The following CTNNA2 variants were observed in gnomAD, a reference collection of about 807,000 sequenced individuals.
CTNNA2 encodes the protein catenin alpha 2.
Under a neutral mutation model 101.0 loss-of-function variants are expected in CTNNA2, and 42 were observed. The ratio of observed to expected loss-of-function variants is 0.42; its 90% CI spans 0.32 to 0.54. CTNNA2 has a LOEUF of 0.54. Ranked by LOEUF, CTNNA2 falls within the 20% of genes least tolerant of loss-of-function variation. The pLI is 0.14. For synonymous variants in CTNNA2, 450 were observed against 456.4 expected (o/e 0.99, Z 0.18); for missense variants, 871 against 1,223.1 (o/e 0.71, Z 4.29).
chr2:80,155,060 A>G (rs1210548938), intron 7 of CTNNA2, among the ~76,000 whole-genome samples: 2 of 152,192 alleles, frequency 1.3e-5, no homozygotes, highest in East Asian at 3.9e-4. Context: ...GGTCTCTTTA[A>G]TGTCTAGCTT....
chr2:80,088,253 C>G (rs1041503735), intron 7 of CTNNA2, among the ~76,000 whole-genome samples: 1 of 151,988 alleles, frequency 6.6e-6, no homozygotes, highest in Non-Finnish European at 1.5e-5. Flanking sequence ...GGCTCATTCT[C>G]TGCTATGTGT....
In CTNNA2 at chr2:80,087,097, T is replaced by C. The variant is rs557398472; in HGVS notation, c.1056+177300T>C. Reference sequence around the variant, plus strand: ...GCTATGTCAACCTTCCTTTGACTGATAGTAACAATTGTTAGGCCTGTTATA... The same window carrying C: ...GCTATGTCAACCTTCCTTTGACTGACAGTAACAATTGTTAGGCCTGTTATA... On this transcript the variant is annotated intron_variant, in intron 7 of 18. Transcript: ENST00000402739. Among the ~76,000 whole-genome samples, 16 of 152,122 alleles carry C rather than the reference T, an allele frequency of 1.1e-4. No individual in the cohort carries two copies. The South Asian group carries it at 3.1e-3, about 30-fold the overall frequency.
chr2:79,743,417 A>C (rs942212440), intron 2 of CTNNA2, among the ~76,000 whole-genome samples: 3 of 152,198 alleles, frequency 2.0e-5, no homozygotes, highest in Admixed American at 6.5e-5. Flanking sequence ...ACTTAGAAAA[A>C]GAGTAATAAT....
intron 6 of CTNNA2, among the ~76,000 whole-genome samples, chr2:79,899,181 T>TC (rs1234173792): frequency 6.6e-6 from 1 of 152,108 alleles, no homozygotes; most frequent in Non-Finnish European, 1.5e-5. Flanking sequence ...GACTGTTTTT[T>TC]TTCAGGAAAA....
intron 7 of CTNNA2, among the ~76,000 whole-genome samples, chr2:80,004,985 C>T (rs1179461263): frequency 3.3e-5 from 5 of 152,164 alleles, no homozygotes; most frequent in South Asian, 2.1e-4. Context: ...TGGGAGCCAC[C>T]GTGCCCAAAC....
chr2:79,810,862 A>C (rs1210382576), intron 3 of CTNNA2, among the ~76,000 whole-genome samples: 27 of 151,902 alleles, frequency 1.8e-4, no homozygotes, highest in Non-Finnish European at 1.9e-4. Context: ...TGAACTCATC[A>C]TTTTTTATGG....
At chr2:80,106,530 G>A (rs1296337133) in intron 7 of CTNNA2, among the ~76,000 whole-genome samples, 2 of 152,122 alleles carry the variant, frequency 1.3e-5, no homozygotes, top group African/African-American at 4.8e-5. Flanking sequence ...TGGTGGTGAA[G>A]TAGCACGTTT....
At chr2:79,768,979 T>G (rs1401845342) in intron 3 of CTNNA2, among the ~76,000 whole-genome samples, 1 of 152,090 alleles carries the variant, frequency 6.6e-6, no homozygotes, top group African/African-American at 2.4e-5. Flanking sequence ...CTCAGCCTCC[T>G]GAGTAGCTGG....
intron 3 of CTNNA2, among the ~76,000 whole-genome samples, chr2:79,764,757 G>A (rs1194537341): frequency 6.7e-6 from 1 of 150,280 alleles, no homozygotes; most frequent in Non-Finnish European, 1.5e-5. Flanking sequence ...TCTTAAAATT[G>A]CCTTTTTTTA....
In CTNNA2 at chr2:79,401,557, AG is replaced by A. The variant is rs554222582; in HGVS notation, c.-135+27545del. ...AGTCTAAACCACATTGCTTTAAATT[AG>A]ATGTTAATTATAAACCCTAGGGAAA... On this transcript the variant is annotated intron_variant, in intron 4 of 21. Coordinates refer to the CTNNA2 transcript ENST00000466387. Among the ~76,000 whole-genome samples the A allele has an allele frequency of 1.9e-3, 283 of 151,718 alleles. 2 individuals are homozygous for A. The highest frequency in any genetic ancestry group is 6.5e-3 in the African/African-American group (268 of 41,530).
chr2:79,909,681 G>T lies in CTNNA2; in HGVS notation c.940G>T (p.Ala314Ser). 6.2e-7 allele frequency: 1 copy of T among 1,613,898 alleles called. No individual in the cohort carries two copies. Among genetic ancestry groups the T allele is most frequent in the Non-Finnish European group, 8.5e-7 (1 of 1,179,888 alleles). ...EERLESIISG[A>S]ALMADSSCTR... ...GAGGCTGGAGAGCATCATCAGCGGC[G>T]CAGCGCTGATGGCCGACTCCTCCTG... Residue 314 changes from alanine to serine, a missense_variant, in exon 7 of 19, where the codon GCA (alanine) becomes TCA (serine). Around this residue, in one of 5 missense-constraint regions of CTNNA2, gnomAD observed 647 missense variants for 831.5 expected, o/e 0.78. Coordinates refer to ENST00000402739, the MANE Select transcript of CTNNA2 (RefSeq NM_001282597.3).
chr2:79,765,861 A>C (rs771211714), intron 3 of CTNNA2, among the ~76,000 whole-genome samples: 1 of 152,050 alleles, frequency 6.6e-6, no homozygotes, highest in Non-Finnish European at 1.5e-5. Flanking sequence ...GTACTCCCTC[A>C]CCTTTGCCCT....
chr2:79,810,561 T>C (rs1676935228), intron 3 of CTNNA2, among the ~76,000 whole-genome samples: 1 of 151,530 alleles, frequency 6.6e-6, no homozygotes. Context: ...AGTTTTAGGG[T>C]ACATGTGCAC....
At chr2:80,385,827 T>C (rs12467205) in intron 7 of CTNNA2, among the ~76,000 whole-genome samples, 3,307 of 152,262 alleles carry the variant, frequency 0.022, 46 homozygotes, top group Middle Eastern at 0.034. Flanking sequence ...AGTACCAGTT[T>C]ATCAATCTCA....
chr2:80,538,377 A>G (rs1008891137), intron 9 of CTNNA2, among the ~76,000 whole-genome samples: 2 of 152,146 alleles, frequency 1.3e-5, no homozygotes, highest in African/African-American at 4.8e-5. Flanking sequence ...TTAAGTCTTT[A>G]ATCCATCTTG....
At chr2:79,313,509 G>A (rs1282764978) in intron 3 of CTNNA2, among the ~76,000 whole-genome samples, 1 of 152,160 alleles carries the variant, frequency 6.6e-6, no homozygotes, top group Non-Finnish European at 1.5e-5. Flanking sequence ...AAGCAATTTA[G>A]CTAGATTCTC....
chr2:79,404,494 C>T (rs7561788), intron 4 of CTNNA2, among the ~76,000 whole-genome samples: 8,326 of 152,078 alleles, frequency 0.055, 753 homozygotes, highest in African/African-American at 0.19. Flanking sequence ...TGCATGGACA[C>T]TTCATTGAAA....
chr2:79,306,411 A>T (rs894218460), intron 2 of CTNNA2, among the ~76,000 whole-genome samples: 1 of 152,262 alleles, frequency 6.6e-6, no homozygotes, highest in Admixed American at 6.5e-5. Flanking sequence ...TTTGATTTAG[A>T]CATTTCAAAA....
chr2:80,212,032 G>A (rs547475490), intron 7 of CTNNA2, among the ~76,000 whole-genome samples: 26 of 152,248 alleles, frequency 1.7e-4, no homozygotes, highest in African/African-American at 6.3e-4. Context: ...TGTTATTGGT[G>A]TATAGCAATG....
Sources: gnomAD v4.1 joint callset for allele counts (sites outside exome capture counted in the v4.1 genomes callset) on GRCh38, gnomAD v4.1.1 for gene constraint, gnomAD v4.1.1 regional missense constraint, MANE v1.5 for transcripts, NCBI Gene and HGNC (gene_info 2026-07-23, HGNC 2026-07-21) for gene names.